Variants in NSUN2 observed in about 807,000 individuals in gnomAD.
NSUN2 encodes RNA cytosine C(5)-methyltransferase NSUN2.
Under a neutral mutation model 92.7 loss-of-function variants are expected in NSUN2, and 63 were observed. The ratio of observed to expected loss-of-function variants is 0.68; its 90% confidence interval spans 0.56 to 0.84. NSUN2 has a LOEUF of 0.84. NSUN2 is among the 40% of genes least tolerant of loss of function. The pLI is 0.00. For synonymous variants in NSUN2, 356 were observed against 348.3 expected (o/e 1.02, Z -0.25); for missense variants, 989 against 964.9 (o/e 1.02, Z -0.33).
At chr5:6,605,035 C>T (rs998128289) in intron 15 of NSUN2, 13 of 611,272 alleles carry the variant, frequency 2.1e-5, no homozygotes, top group African/African-American at 1.8e-4. Flanking sequence ...GGCTCACCCC[C>T]CTGCGGGAAT....
chr5:6,605,534 G>C (rs1736733215), intron 14 of NSUN2, 126 bp from the exon 15 acceptor site: 1 of 911,218 alleles, frequency 1.1e-6, no homozygotes, highest in Non-Finnish European at 1.7e-6. Flanking sequence ...AGGGCACTGG[G>C]CTCTGCTCTG....
At chr5:6,632,256 G>A (rs1196941300) in intron 2 of NSUN2, among the ~76,000 whole-genome samples, 1 of 152,120 alleles carries the variant, frequency 6.6e-6, no homozygotes, top group Non-Finnish European at 1.5e-5. Flanking sequence ...TACAAAGATG[G>A]AGGGGGGGCG....
At chr5:6,611,907 G>T in intron 9 of NSUN2, 109 bp from the exon 10 acceptor site, 1 of 1,010,978 alleles carries the variant, frequency 9.9e-7, no homozygotes, top group Non-Finnish European at 1.5e-6. Flanking sequence ...TCCATGTACA[G>T]AAAATGTCCA....
In NSUN2 at chr5:6,633,020, G is replaced by A. The variant is rs1248355782; in HGVS notation, c.-41C>T. The A allele has an allele frequency of 2.1e-6, 3 of 1,410,252 alleles. No individual in the cohort carries two copies. Among genetic ancestry groups the A allele is most frequent in the South Asian group, 1.5e-5 (1 of 65,034 alleles). The allele number at this position is 1,410,252 out of a possible 1,614,324, so 87.4% of individuals were successfully genotyped here. On this transcript the variant is annotated 5_prime_UTR_variant, in exon 1 of 19. Transcript: ENST00000264670. The stretch of plus-strand genomic sequence containing the variant: ...GCACGCAGCACGCAGAAACCGGCCC[G>A]CCACGGCCAGAACTCTAGCCCTACA...
rs747540336 is a variant in NSUN2, at chr5:6,599,918, G to A, written c.*8C>T. The A allele has an allele frequency of 2.5e-6, 4 of 1,610,528 alleles. No individual in the cohort carries two copies. Among genetic ancestry groups the A allele is most frequent in the Admixed American group, 3.3e-5 (2 of 59,994 alleles). On this transcript the variant is annotated 3_prime_UTR_variant, in exon 19 of 19. Transcript: ENST00000264670. ...GAGGGGTGTGGGCCCCCGCTGCCTT[G>A]GGCCTGCTCACCGGGGTGGATGGAC...
Position 6,632,948 on chromosome 5 carries a change from T to C in NSUN2, c.32A>G (p.Gln11Arg), listed in dbSNP as rs751564447. MGRRSRGRRLQQQQRPEDAED... is the reference protein window; with the variant it reads MGRRSRGRRLRQQQRPEDAED... ...CGCGTCCTCCGGCCGCTGCTGTTGC[T>C]GGAGCCGCCGACCCCGCGACCGCCG... is the stretch of plus-strand genomic sequence containing the variant. Residue 11 changes from glutamine to arginine, a missense_variant, in exon 1 of 19, where the codon CAG becomes CGG. Coordinates refer to ENST00000264670, the MANE Select transcript of NSUN2 (RefSeq NM_017755.6). 1.3e-6 allele frequency: 2 copies of C among 1,501,964 alleles called. No homozygotes were observed. Among genetic ancestry groups the C allele is most frequent in the South Asian group, 1.2e-5 (1 of 80,572 alleles). 93.0% of individuals were successfully genotyped at this position (1,501,964 alleles called of 1,614,324 possible).
chr5:6,604,402 T>A, intron 16 of NSUN2, 126 bp from the exon 17 acceptor site: 1 of 963,744 alleles, frequency 1.0e-6, no homozygotes, highest in South Asian at 1.6e-5. Context: ...CCCCTCCCCT[T>A]GGACAGGTGT....
intron 14 of NSUN2, among the ~76,000 whole-genome samples, chr5:6,606,191 T>A (rs1203458425): frequency 1.3e-5 from 2 of 152,244 alleles, no homozygotes; most frequent in Non-Finnish European, 2.9e-5. Flanking sequence ...CTACAGAAAC[T>A]GAACTAGACA....
intron 9 of NSUN2, among the ~76,000 whole-genome samples, chr5:6,612,147 G>A (rs1024554081): frequency 5.9e-5 from 9 of 152,264 alleles, no homozygotes; most frequent in Middle Eastern, 3.4e-3. Flanking sequence ...ATATGTAAAC[G>A]ACAGCTCAAT....
intron 3 of NSUN2, 152 bp downstream of exon 3, chr5:6,631,721 T>C: frequency 1.6e-6 from 1 of 625,462 alleles, no homozygotes; most frequent in Admixed American, 2.6e-5. Flanking sequence ...AGCAATATAA[T>C]GTTGATAAAA....
Position 6,616,713 on chromosome 5 carries a change from T to C in NSUN2, c.1021+14A>G, listed in dbSNP as rs753810093. ...CCCTATGCTGTTAATAAAAGATCCA[T>C]CAAGCGTGCTTACCTTCACTTTTTT... On this transcript the variant is annotated intron_variant, in intron 9 of 18. Transcript: ENST00000264670. 8 of 1,613,260 alleles carry C rather than the reference T, an allele frequency of 5.0e-6. No homozygotes were observed. The Admixed American group carries it at 1.3e-4, about 27-fold the overall frequency.
Position 6,599,860 on chromosome 5 carries a change from C to T in NSUN2, c.*66G>A. ...AGGCTGCTCTGGATTTGGTTTCAGA[C>T]ACCAGTGACCAGAAGAAGCCAGTTT... On this transcript the variant is annotated 3_prime_UTR_variant, in exon 19 of 19. Transcript: ENST00000264670. The T allele has an allele frequency of 6.9e-7, 1 of 1,446,192 alleles. No individual in the cohort carries two copies. The allele number at this position is 1,446,192 out of a possible 1,614,324, so 89.6% of individuals were successfully genotyped here.
At chr5:6,614,349 C>A (rs2126487631) in intron 9 of NSUN2, among the ~76,000 whole-genome samples, 1 of 152,210 alleles carries the variant, frequency 6.6e-6, no homozygotes, top group East Asian at 1.9e-4. Flanking sequence ...CAGGACAATC[C>A]CACATCTGCT....
rs112730048 is a variant in NSUN2, at chr5:6,630,804, G to A, written c.359+1069C>T. ...AAAACCTCAAAAGTTGATGCAAAAC[G>A]CTTAATTTGGCAGGGCGCAGTGGCT... On this transcript the variant is annotated intron_variant, in intron 3 of 18. Coordinates refer to ENST00000264670, the MANE Select transcript of NSUN2 (RefSeq NM_017755.6). Among the ~76,000 whole-genome samples the A allele has an allele frequency of 7.6e-4, 115 of 152,268 alleles. 1 individual carries two copies. Among genetic ancestry groups the A allele is most frequent in the African/African-American group, 2.7e-3 (114 of 41,560 alleles).
Position 6,631,923 on chromosome 5 carries a change from C to T in NSUN2, c.309G>A (p.Glu103=). 1 of 1,614,148 alleles carries T rather than the reference C, an allele frequency of 6.2e-7. No individual in the cohort carries two copies. The highest frequency in any genetic ancestry group is 8.5e-7 in the Non-Finnish European group (1 of 1,180,006). The change falls in exon 3 of 19, where the codon GAG becomes GAA. Residue 103 remains glutamate (E), a synonymous_variant. Transcript: ENST00000264670. Reference sequence around the variant, plus strand: ...CTTTCTGACCGTCCACCTCCAGGTCCTCCAATTCCTTAAAATATTTGTTCT... The same window carrying T: ...CTTTCTGACCGTCCACCTCCAGGTCTTCCAATTCCTTAAAATATTTGTTCT... ...CLKNKYFKEL[E]DLEVDGQKVE...
chr5:6,625,722 G>A (rs2126504554), intron 3 of NSUN2, 53 bp from the exon 4 acceptor site: 2 of 1,320,712 alleles, frequency 1.5e-6, no homozygotes, highest in Non-Finnish European at 1.1e-6. Flanking sequence ...AAAGTCGTCT[G>A]TTGACAACTT....
chr5:6,616,926 C>T (rs1737236144), intron 8 of NSUN2, 69 bp from the exon 9 acceptor site: 1 of 1,361,726 alleles, frequency 7.3e-7, no homozygotes, highest in South Asian at 1.5e-5. Flanking sequence ...GAAGCACCTC[C>T]TTATGTCACA....
Position 6,632,641 on chromosome 5 carries a change from C to T in NSUN2, c.212G>A (p.Arg71Lys), listed in dbSNP as rs1737972735. ...GEWGQFMDAL[R>K]EPLPATLRIT... The stretch of plus-strand genomic sequence containing the variant: ...TCTTAAAGTGGCCGGGAGCGGCTCC[C>T]TGAGAGCGTCCATGAACTGGCCCCA... The change falls in exon 2 of 19, where the codon AGG becomes AAG. Residue 71 changes from arginine (R) to lysine (K), a missense_variant. Transcript: ENST00000264670. 6.2e-7 allele frequency: 1 copy of T among 1,614,124 alleles called. No individual in the cohort carries two copies. Among genetic ancestry groups the T allele is most frequent in the Non-Finnish European group, 8.5e-7 (1 of 1,180,054 alleles).
chr5:6,611,683 T>C lies in NSUN2; in HGVS notation c.1095+42A>G, dbSNP rs542745411. On this transcript the variant is annotated intron_variant, in intron 10 of 18. Coordinates refer to ENST00000264670, the MANE Select transcript of NSUN2 (RefSeq NM_017755.6). ...AAACTTGACTCTACTTCAGTGATGCTGCACCTACTCTTTAGAATGAAAGTT... is the reference window on the plus strand; with the variant it reads ...AAACTTGACTCTACTTCAGTGATGCCGCACCTACTCTTTAGAATGAAAGTT... 40 of 1,545,838 alleles carry C rather than the reference T, an allele frequency of 2.6e-5. No individual in the cohort carries two copies. In the Admixed American group the frequency reaches 4.0e-4, roughly 16 times the overall value.
Sources: gnomAD v4.1 joint callset for allele counts (sites outside exome capture counted in the v4.1 genomes callset) on GRCh38, gnomAD v4.1.1 for gene constraint, MANE v1.5 for transcripts, NCBI Gene and HGNC (gene_info 2026-07-23, HGNC 2026-07-21) for gene names.